Variants in MRPS25 observed in about 807,000 individuals in gnomAD.
The protein encoded by MRPS25 is small ribosomal subunit protein mS25.
In MRPS25, 15 loss-of-function variants were observed where a neutral mutation model predicts 17.3. The observed-to-expected ratio is 0.87, with a 90% CI of 0.58 to 1.34. The LOEUF (loss-of-function observed/expected upper bound fraction) is 1.34. Ranked by LOEUF, MRPS25 falls within the 40% of genes most tolerant of loss-of-function variation. MRPS25 has a pLI of 0.00. For missense variants in MRPS25, 225 were observed against 218.6 expected (o/e 1.03, Z -0.19); for synonymous variants, 94 against 83.3 (o/e 1.13, Z -0.70).
intron 2 of MRPS25, among the ~76,000 whole-genome samples, chr3:15,058,670 C>T (rs2042703866): frequency 1.3e-5 from 2 of 152,118 alleles, no homozygotes; most frequent in Non-Finnish European, 2.9e-5. Context: ...ATTTTGTTTC[C>T]TGAAGCATTT....
Position 15,065,297 on chromosome 3 carries a change from G to A in MRPS25, c.-103C>T, listed in dbSNP as rs1455937872. On this transcript the variant is annotated 5_prime_UTR_variant, in exon 1 of 4. Transcript: ENST00000253686. Reference sequence around the variant, plus strand: ...GGATCTCACGCGGCTTCTCCCCAGAGCCAGGTTCCACTTCCCGCGCAGACG... The same window carrying A: ...GGATCTCACGCGGCTTCTCCCCAGAACCAGGTTCCACTTCCCGCGCAGACG... The A allele has an allele frequency of 7.8e-6, 11 of 1,417,458 alleles. No homozygotes were observed. The highest frequency in any genetic ancestry group is 1.5e-5 in the South Asian group (1 of 67,346). 87.8% of individuals were successfully genotyped at this position (1,417,458 alleles called of 1,614,324 possible). A position where few individuals can be genotyped will look rare whatever the true frequency, so the allele number is the denominator to read the frequency against.
At chr3:15,057,000 C>T (rs1246307494) in intron 2 of MRPS25, among the ~76,000 whole-genome samples, 1 of 152,218 alleles carries the variant, frequency 6.6e-6, no homozygotes, top group Non-Finnish European at 1.5e-5. Context: ...ATGCCTCTGT[C>T]CACAGATAGA....
chr3:15,050,843 A>C lies in MRPS25; in HGVS notation c.*1598T>G. 1.0e-6 allele frequency: 1 copy of C among 985,476 alleles called. No homozygotes were observed. The highest frequency in any genetic ancestry group is 1.2e-6 in the Non-Finnish European group (1 of 829,946). 61.0% of individuals were successfully genotyped at this position (985,476 alleles called of 1,614,324 possible). A position where few individuals can be genotyped will look rare whatever the true frequency, so the allele number is the denominator to read the frequency against. ...ATCAAACTTGAGCATCAAATGTAAA[A>C]GATCCAAATCTGCTCAATTTAATGT... On this transcript the variant is annotated 3_prime_UTR_variant, in exon 4 of 4. Coordinates refer to ENST00000253686, the MANE Select transcript of MRPS25 (RefSeq NM_022497.5).
Position 15,052,192 on chromosome 3 carries a change from C to A in MRPS25, c.*249G>T. ...CACAGGCCTTCCTCTTCACTAGGAC[C>A]AGATACACGCCAAGCTGCTATTAGG... On this transcript the variant is annotated 3_prime_UTR_variant, in exon 4 of 4. Transcript: ENST00000253686. 8.1e-7 allele frequency: 1 copy of A among 1,233,884 alleles called. No homozygotes were observed. Among genetic ancestry groups the A allele is most frequent in the Non-Finnish European group, 1.0e-6 (1 of 985,802 alleles). 76.4% of individuals were successfully genotyped at this position (1,233,884 alleles called of 1,614,324 possible). A position where few individuals can be genotyped will look rare whatever the true frequency, so the allele number is the denominator to read the frequency against.
Position 15,050,133 on chromosome 3 carries a change from C to T in MRPS25, c.*2308G>A. On this transcript the variant is annotated 3_prime_UTR_variant, in exon 4 of 4. Coordinates refer to ENST00000253686, the MANE Select transcript of MRPS25 (RefSeq NM_022497.5). ...AGACAAAGGTTTAAAGAGAAACTAT[C>T]CAGGATCAAGTAGCCTACAGGGAAC... 1 of 1,365,670 alleles carries T rather than the reference C, an allele frequency of 7.3e-7. No homozygotes were observed. The highest frequency in any genetic ancestry group is 9.3e-7 in the Non-Finnish European group (1 of 1,070,912). The allele number at this position is 1,365,670 out of a possible 1,614,324, so 84.6% of individuals were successfully genotyped here.
Position 15,052,568 on chromosome 3 carries a change from C to G in MRPS25, c.395G>C (p.Arg132Pro), listed in dbSNP as rs143426565. The G allele has an allele frequency of 6.2e-7, 1 of 1,614,178 alleles. No individual in the cohort carries two copies. Among genetic ancestry groups the G allele is most frequent in the South Asian group, 1.1e-5 (1 of 91,086 alleles). The change falls in exon 4 of 4, where the codon CGA becomes CCA. Residue 132 changes from arginine (R) to proline (P), a missense_variant. Coordinates refer to ENST00000253686, the MANE Select transcript of MRPS25 (RefSeq NM_022497.5). ...GATGCACTCCCGCAGGCAGTACTTT[C>G]GAGGGCCGAAGTTGGCTGGGTGAGA... is the stretch of plus-strand genomic sequence containing the variant. Reference protein sequence around the residue: ...QLSHPANFGPRKYCLRECICE... With the variant: ...QLSHPANFGPPKYCLRECICE...
At chr3:15,056,145 G>A (rs1164232080) in intron 2 of MRPS25, among the ~76,000 whole-genome samples, 3 of 151,726 alleles carry the variant, frequency 2.0e-5, no homozygotes, top group Non-Finnish European at 2.9e-5. Flanking sequence ...AACCCAGGAG[G>A]TGGAGCTTGC....
chr3:15,057,320 G>A (rs147019515), intron 2 of MRPS25, among the ~76,000 whole-genome samples: 5 of 152,266 alleles, frequency 3.3e-5, no homozygotes, highest in Non-Finnish European at 5.9e-5. Context: ...CACTCTCCTG[G>A]TTTCTTTCAA....
chr3:15,045,017 G>C (rs1335125751), downstream of MRPS25: 1 of 152,228 alleles, frequency 6.6e-6, no homozygotes, highest in Non-Finnish European at 1.5e-5. Context: ...AATTTTGCCA[G>C]CTTAAAGTAA....
chr3:15,052,306 TA>T lies in MRPS25; in HGVS notation c.*134del. 2.7e-6 allele frequency: 4 copies of T among 1,465,952 alleles called. No individual in the cohort carries two copies. The highest frequency in any genetic ancestry group is 3.6e-6 in the Non-Finnish European group (4 of 1,111,942). 90.8% of individuals were successfully genotyped at this position (1,465,952 alleles called of 1,614,324 possible). On this transcript the variant is annotated 3_prime_UTR_variant, in exon 4 of 4. Coordinates refer to ENST00000253686, the MANE Select transcript of MRPS25 (RefSeq NM_022497.5). ...TCCCACATCCTTTTACACAGGTGTG[TA>T]AAGTCCTTTTAATGCAAAAGGATTT...
intron 2 of MRPS25, among the ~76,000 whole-genome samples, chr3:15,056,627 G>C (rs1216684206): frequency 1.3e-5 from 2 of 152,182 alleles, no homozygotes; most frequent in Non-Finnish European, 2.9e-5. Flanking sequence ...AAGGCCACAA[G>C]CCAAAAAATG....
At chr3:15,043,157 T>C (rs1362445112), downstream of MRPS25, 7 of 607,534 alleles carry the variant, frequency 1.2e-5, no homozygotes, top group African/African-American at 1.9e-5. Flanking sequence ...TCCCAGACAA[T>C]AGCAATTAAA....
intron 2 of MRPS25, among the ~76,000 whole-genome samples, chr3:15,058,040 C>G (rs2042696724): frequency 6.6e-6 from 1 of 152,026 alleles, no homozygotes; most frequent in African/African-American, 2.4e-5. Context: ...TGCCACCACA[C>G]TGGCTAAATG....
intron 2 of MRPS25, among the ~76,000 whole-genome samples, chr3:15,056,849 C>T (rs1323839438): frequency 1.3e-5 from 2 of 152,222 alleles, no homozygotes; most frequent in African/African-American, 2.4e-5. Flanking sequence ...TGAGCGAGGA[C>T]GCGCAGCTGC....
chr3:15,061,873 TG>T (rs1476744851), intron 1 of MRPS25, among the ~76,000 whole-genome samples: 7 of 148,408 alleles, frequency 4.7e-5, no homozygotes, highest in African/African-American at 1.8e-4. Context: ...CCACCCCGTC[TG>T]AGAAGGGAGG....
In MRPS25 at chr3:15,051,007, T is replaced by G; in HGVS notation, c.*1434A>C. 1.0e-6 allele frequency: 1 copy of G among 984,148 alleles called. No individual in the cohort carries two copies. Among genetic ancestry groups the G allele is most frequent in the Non-Finnish European group, 1.2e-6 (1 of 828,778 alleles). The allele number at this position is 984,148 out of a possible 1,614,324, so 61.0% of individuals were successfully genotyped here. A position where few individuals can be genotyped will look rare whatever the true frequency, so the allele number is the denominator to read the frequency against. On this transcript the variant is annotated 3_prime_UTR_variant, in exon 4 of 4. Coordinates refer to ENST00000253686, the MANE Select transcript of MRPS25 (RefSeq NM_022497.5). ...ACAGACCTGGAAAGCTTTTAGGACTTGACCAAGGCCCCAGCAGGTAGAGGA... is the reference window on the plus strand; with the variant it reads ...ACAGACCTGGAAAGCTTTTAGGACTGGACCAAGGCCCCAGCAGGTAGAGGA...
rs1392694939 is a variant in MRPS25 at position 15,053,580 on chromosome 3, T to C, written c.242-113A>G. On this transcript the variant is annotated intron_variant, in intron 2 of 3. Transcript: ENST00000253686. Reference sequence around the variant, plus strand: ...TGGCAGAAACATTTTAATAATAAAATAGATATACTTGTTTACATAATCTGT... The same window carrying C: ...TGGCAGAAACATTTTAATAATAAAACAGATATACTTGTTTACATAATCTGT... 4.4e-6 allele frequency: 5 copies of C among 1,127,440 alleles called. No individual in the cohort carries two copies. The Admixed American group carries it at 7.9e-5, about 18-fold the overall frequency. The allele number at this position is 1,127,440 out of a possible 1,614,324, so 69.8% of individuals were successfully genotyped here.
At position 15,050,215 on chromosome 3, in the gene MRPS25, A is replaced by G; in HGVS notation, c.*2226T>C. The G allele has an allele frequency of 1.7e-6, 2 of 1,170,540 alleles. No individual in the cohort carries two copies. The highest frequency in any genetic ancestry group is 1.9e-5 in the South Asian group (1 of 53,020). 72.5% of individuals were successfully genotyped at this position (1,170,540 alleles called of 1,614,324 possible). On this transcript the variant is annotated 3_prime_UTR_variant, in exon 4 of 4. Coordinates refer to ENST00000253686, the MANE Select transcript of MRPS25 (RefSeq NM_022497.5). Reference sequence around the variant, plus strand: ...TTATCTGCTGCCTGTGAAGCTGGCCACACAGGCAGTAACTGCACCACAGGA... The same window carrying G: ...TTATCTGCTGCCTGTGAAGCTGGCCGCACAGGCAGTAACTGCACCACAGGA...
downstream of MRPS25, chr3:15,046,862 A>G (rs915999819): frequency 6.6e-6 from 1 of 152,620 alleles, no homozygotes; most frequent in African/African-American, 2.4e-5. Flanking sequence ...GGCTCTTTGA[A>G]AATGTCTTAA....
Sources: gnomAD v4.1 joint callset for allele counts (sites outside exome capture counted in the v4.1 genomes callset) on GRCh38, gnomAD v4.1.1 for gene constraint, MANE v1.5 for transcripts, NCBI Gene and HGNC (gene_info 2026-07-23, HGNC 2026-07-21) for gene names.